Variants in ZNF107 observed in about 807,000 individuals in gnomAD.
ZNF107 encodes C2H2 type zinc-finger protein.
Under a neutral mutation model 12.3 loss-of-function variants are expected in ZNF107, and 19 were observed. The observed-to-expected ratio is 1.55, with a 90% CI of 1.08 to 2.27. The LOEUF (loss-of-function observed/expected upper bound fraction) is 2.27. ZNF107 is among the 30% of genes most tolerant of loss of function. The probability of loss-of-function intolerance (pLI) is 0.00; values close to 1 mark genes in which losing one functional copy is unlikely to be tolerated. For synonymous variants in ZNF107, 317 were observed against 330.5 expected (o/e 0.96, Z 0.44); for missense variants, 958 against 979.9 (o/e 0.98, Z 0.30).
chr7:64,695,543 ATTTTAG>A (rs1404688165), intron 3 of ZNF107, among the ~76,000 whole-genome samples: 1 of 152,092 alleles, frequency 6.6e-6, no homozygotes, highest in Non-Finnish European at 1.5e-5. Flanking sequence ...TATTTATGTA[ATTTTAG>A]ATAATTTGCA....
At chr7:64,706,251 T>C in intron 3 of ZNF107, 73 bp from the exon 4 acceptor site, 1 of 1,262,404 alleles carries the variant, frequency 7.9e-7, no homozygotes, top group Non-Finnish European at 1.0e-6. Flanking sequence ...TGTATAATTT[T>C]ATAGATTAGA....
chr7:64,681,719 T>A (rs1035396927), intron 1 of ZNF107, among the ~76,000 whole-genome samples: 5 of 152,244 alleles, frequency 3.3e-5, no homozygotes, highest in Admixed American at 1.3e-4. Flanking sequence ...TTTTACAACA[T>A]GGCCTCTTAG....
intron 3 of ZNF107, among the ~76,000 whole-genome samples, chr7:64,704,964 C>T (rs1790592050): frequency 6.6e-6 from 1 of 152,156 alleles, no homozygotes; most frequent in Non-Finnish European, 1.5e-5. Context: ...CAGACGTGAG[C>T]CATCGCACCC....
At position 64,708,641 on chromosome 7, in the gene ZNF107, G is replaced by GAA. The variant is rs201020174; in HGVS notation, c.2544_2545insAA (p.Tyr849AsnfsTer7). ...CTGGAGAGAAACCCTACAAATGTGA[G>GAA]TATGGCAAAACTTAATTGATCCTAC... On this transcript the variant is annotated frameshift_variant, in exon 4 of 4. Coordinates refer to ENST00000620827, the MANE Select transcript of ZNF107 (RefSeq NM_001282359.2). LOFTEE classifies it high-confidence loss of function. 31,370 of 1,604,598 alleles carry GAA rather than the reference G, an allele frequency of 0.02. 3,494 individuals carry two copies. The African/African-American group carries it at 0.28, about 14-fold the overall frequency.
Position 64,710,385 on chromosome 7 carries a change from T to C in ZNF107, c.*1729T>C, listed in dbSNP as rs1790845855. 1 of 152,138 alleles carries C rather than the reference T, an allele frequency of 6.6e-6. No homozygotes were observed. The highest frequency in any genetic ancestry group is 2.4e-5 in the African/African-American group (1 of 41,434). 9.4% of individuals were successfully genotyped at this position (152,138 alleles called of 1,614,324 possible). ...AAATACCAGAGGCCTCATACTAAAA[T>C]ATATTTTTGCAAGTGAAGTAAATAT... On this transcript the variant is annotated 3_prime_UTR_variant, in exon 4 of 4. Coordinates refer to ENST00000620827, the MANE Select transcript of ZNF107 (RefSeq NM_001282359.2).
rs1790877903 is a variant in ZNF107 at position 64,711,242 on chromosome 7, A to G, written c.*2586A>G. Reference sequence around the variant, plus strand: ...TGCTAGTGACTTTAAACTGCTAATAAAGAATATTGTTCCCATAGGTTAGAT... The same window carrying G: ...TGCTAGTGACTTTAAACTGCTAATAGAGAATATTGTTCCCATAGGTTAGAT... On this transcript the variant is annotated 3_prime_UTR_variant, in exon 4 of 4. Transcript: ENST00000620827. The G allele has an allele frequency of 1.3e-5, 2 of 152,182 alleles. No individual in the cohort carries two copies. The allele number at this position is 152,182 out of a possible 1,614,324, so 9.4% of individuals were successfully genotyped here.
intron 3 of ZNF107, among the ~76,000 whole-genome samples, chr7:64,700,071 A>AAAAAAC (rs1355015111): frequency 6.6e-6 from 1 of 151,688 alleles, no homozygotes; most frequent in East Asian, 1.9e-4. Flanking sequence ...AAAAAAAAAA[A>AAAAAAC]AAAAAGAATA....
chr7:64,700,328 T>G (rs1247664962), intron 3 of ZNF107, among the ~76,000 whole-genome samples: 1 of 152,042 alleles, frequency 6.6e-6, no homozygotes, highest in African/African-American at 2.4e-5. Context: ...GCTGATTCAT[T>G]AAAATAAACT....
intron 3 of ZNF107, among the ~76,000 whole-genome samples, chr7:64,695,255 T>G (rs145993229): frequency 6.6e-6 from 1 of 152,144 alleles, no homozygotes; most frequent in African/African-American, 2.4e-5. Flanking sequence ...TAAATACTCA[T>G]TTATTAAAAT....
chr7:64,689,466 A>T (rs1000483093), intron 1 of ZNF107: 7 of 152,314 alleles, frequency 4.6e-5, no homozygotes, highest in Admixed American at 2.0e-4. Context: ...CTGATGACAG[A>T]TTCTGTAAGC....
intron 3 of ZNF107, among the ~76,000 whole-genome samples, chr7:64,695,563 CTGTT>C (rs1790260904): frequency 1.3e-5 from 2 of 152,046 alleles, no homozygotes; most frequent in African/African-American, 4.8e-5. Flanking sequence ...ATTTGCAATT[CTGTT>C]TGTACACTTT....
At position 64,708,762 on chromosome 7, in the gene ZNF107, A is replaced by G. The variant is rs980880032; in HGVS notation, c.*106A>G. On this transcript the variant is annotated 3_prime_UTR_variant, in exon 4 of 4. Coordinates refer to ENST00000620827, the MANE Select transcript of ZNF107 (RefSeq NM_001282359.2). Reference sequence around the variant, plus strand: ...AACAAGTCTTCAACTTTTTCTGCACACACGAGGTATTTTATACTGGTGAGA... The same window carrying G: ...AACAAGTCTTCAACTTTTTCTGCACGCACGAGGTATTTTATACTGGTGAGA... The G allele has an allele frequency of 8.8e-7, 1 of 1,137,950 alleles. No homozygotes were observed. Among genetic ancestry groups the G allele is most frequent in the African/African-American group, 1.6e-5 (1 of 63,338 alleles). 70.5% of individuals were successfully genotyped at this position (1,137,950 alleles called of 1,614,324 possible).
rs199670638 is a variant in ZNF107 at position 64,707,316 on chromosome 7, A to G, written c.1219A>G (p.Asn407Asp). 117 of 1,613,394 alleles carry G rather than the reference A, an allele frequency of 7.3e-5. No individual in the cohort carries two copies. The African/African-American group carries it at 1.4e-3, about 19-fold the overall frequency. The change falls in exon 4 of 4, where the codon AAC (asparagine) becomes GAC (aspartate). Residue 407 changes from asparagine to aspartate, a missense_variant. Transcript: ENST00000620827. ...YKCEECGKVFNQFSTLTRHKI... is the reference protein window; with the variant it reads ...YKCEECGKVFDQFSTLTRHKI... Reference sequence around the variant, plus strand: ...ATGTGAAGAATGTGGCAAAGTCTTTAACCAGTTCTCAACTCTTACTAGACA... The same window carrying G: ...ATGTGAAGAATGTGGCAAAGTCTTTGACCAGTTCTCAACTCTTACTAGACA...
rs1040599775 is a variant in ZNF107, at chr7:64,706,613, C to T, written c.516C>T (p.His172=). The T allele has an allele frequency of 2.5e-6, 4 of 1,613,366 alleles. No homozygotes were observed. Among genetic ancestry groups the T allele is most frequent in the South Asian group, 1.1e-5 (1 of 90,974 alleles). Residue 172 remains histidine, a synonymous_variant, in exon 4 of 4, where the codon CAC becomes CAT. Transcript: ENST00000620827. ...AGAGAAGACATACAGGAAACAAACACTTCAAATGTAAAGAATGTAGCAAAT... is the reference window on the plus strand; with the variant it reads ...AGAGAAGACATACAGGAAACAAACATTTCAAATGTAAAGAATGTAGCAAAT... The part of the protein sequence containing the change: ...RYKRRHTGNK[H]FKCKECSKSF...
At chr7:64,702,155 A>T (rs28477609) in intron 3 of ZNF107, among the ~76,000 whole-genome samples, 142 of 149,128 alleles carry the variant, frequency 9.5e-4, no homozygotes, top group Non-Finnish European at 1.5e-3. Context: ...AAACAGTTTT[A>T]TTTTTTTTTT....
At chr7:64,687,013 G>A in intron 1 of ZNF107, 1 of 985,350 alleles carries the variant, frequency 1.0e-6, no homozygotes, top group Non-Finnish European at 1.2e-6. Flanking sequence ...GTGCACTTTG[G>A]GTTTTTACAG....
chr7:64,698,725 G>A (rs1434666985), intron 3 of ZNF107, among the ~76,000 whole-genome samples: 1 of 152,098 alleles, frequency 6.6e-6, no homozygotes, highest in Non-Finnish European at 1.5e-5. Context: ...CTGGCTTGTT[G>A]CTCTTGCATT....
In ZNF107 at chr7:64,708,176, T is replaced by C; in HGVS notation, c.2079T>C (p.Thr693=). 6.2e-7 allele frequency: 1 copy of C among 1,611,388 alleles called. No individual in the cohort carries two copies. The highest frequency in any genetic ancestry group is 1.1e-5 in the South Asian group (1 of 90,644). ...CTTATAACCGATTCTCAAACCTAAC[T>C]ATACATAAGAGAATTCATACGGGAG... is the stretch of plus-strand genomic sequence containing the variant. ...GKAYNRFSNL[T]IHKRIHTGEK... is the part of the protein sequence containing the mutation. The change falls in exon 4 of 4, where the codon ACT becomes ACC. Residue 693 remains threonine (T), a synonymous_variant. Coordinates refer to ENST00000620827, the MANE Select transcript of ZNF107 (RefSeq NM_001282359.2).
At chr7:64,676,111 CA>C (rs1179484654) in intron 1 of ZNF107, among the ~76,000 whole-genome samples, 1 of 152,198 alleles carries the variant, frequency 6.6e-6, no homozygotes, top group Non-Finnish European at 1.5e-5. Flanking sequence ...CTCTTCCTCC[CA>C]AAGTGCTGGG....
Sources: gnomAD v4.1 joint callset for allele counts (sites outside exome capture counted in the v4.1 genomes callset) on GRCh38, gnomAD v4.1.1 for gene constraint, MANE v1.5 for transcripts, NCBI Gene and HGNC (gene_info 2026-07-23, HGNC 2026-07-21) for gene names.